The following FBXL13 variants were observed in gnomAD, a reference collection of about 807,000 sequenced individuals.
FBXL13 encodes the protein F-box and leucine rich repeat protein 13.
A neutral mutation model predicts 83.6 loss-of-function variants in FBXL13; 67 were observed. That is an observed-to-expected ratio of 0.80 (90% CI 0.66 to 0.98). The LOEUF (loss-of-function observed/expected upper bound fraction) is 0.98, where lower values mean the gene tolerates loss of function less well. Ranked by LOEUF, FBXL13 falls within the 50% of genes least tolerant of loss-of-function variation. The pLI is 0.00. For synonymous variants in FBXL13, 272 were observed against 299.5 expected, an observed-to-expected ratio of 0.91 and a Z score of 0.95; for missense variants, 822 against 866.5, an observed-to-expected ratio of 0.95 and a Z score of 0.64.
intron 8 of FBXL13, 105 bp downstream of exon 9, chr7:102,963,428 C>T: frequency 2.9e-6 from 4 of 1,373,138 alleles, no homozygotes; most frequent in Non-Finnish European, 3.0e-6. Flanking sequence ...ATCCTTATGA[C>T]CTAAAACTGT....
Position 102,956,194 on chromosome 7 carries a change from T to C in FBXL13, c.724+7339A>G, listed in dbSNP as rs1214440408. On this transcript the variant is annotated intron_variant, in intron 8 of 19. Transcript: ENST00000313221. ...AAAAAGCTTATCCACCACAATCAAG[T>C]TGGCTTCATCCCTGGAATGCAAGGC... 2.6e-5 allele frequency among the ~76,000 whole-genome samples: 4 copies of C among 152,154 alleles called. 1 individual carries two copies. Among genetic ancestry groups the C allele is most frequent in the African/African-American group, 2.4e-5 (1 of 41,442 alleles).
chr7:103,003,207 C>T (rs1790585353), intron 6 of FBXL13, among the ~76,000 whole-genome samples: 1 of 150,614 alleles, frequency 6.6e-6, no homozygotes, highest in Non-Finnish European at 1.5e-5. Context: ...CATTTTTTAG[C>T]TCAGCAAATG....
At chr7:102,958,947 A>G (rs547418210) in intron 8 of FBXL13, among the ~76,000 whole-genome samples, 21 of 152,208 alleles carry the variant, frequency 1.4e-4, no homozygotes, top group African/African-American at 4.8e-4. Flanking sequence ...TTCATGAAAA[A>G]TATGAAAAAG....
chr7:102,935,978 TA>T (rs1329343823), intron 8 of FBXL13, among the ~76,000 whole-genome samples: 2 of 152,092 alleles, frequency 1.3e-5, no homozygotes, highest in Middle Eastern at 3.2e-3. Context: ...GAACCAGAAG[TA>T]AATTTGCTCA....
chr7:102,962,947 C>G (rs1825487596), intron 8 of FBXL13, among the ~76,000 whole-genome samples: 1 of 143,078 alleles, frequency 7.0e-6, no homozygotes, highest in Non-Finnish European at 1.5e-5. Context: ...CTAACCTGCA[C>G]AATGTGCACA....
intron 18 of FBXL13, among the ~76,000 whole-genome samples, chr7:102,832,554 G>A (rs967543695): frequency 6.6e-6 from 1 of 152,118 alleles, no homozygotes; most frequent in Non-Finnish European, 1.5e-5. Flanking sequence ...AATGCTCTAC[G>A]CACTGGCTTT....
intron 17 of FBXL13, among the ~76,000 whole-genome samples, chr7:102,853,159 T>C (rs539696837): frequency 6.6e-6 from 1 of 152,200 alleles, no homozygotes; most frequent in Non-Finnish European, 1.5e-5. Context: ...GCAATGGATT[T>C]TGGGGACTTG....
intron 2 of FBXL13, among the ~76,000 whole-genome samples, chr7:103,053,760 A>C (rs754963947): frequency 2.0e-5 from 3 of 152,196 alleles, no homozygotes; most frequent in Admixed American, 6.5e-5. Flanking sequence ...AGTAATTTGC[A>C]GATATCTGCA....
At chr7:103,052,340 C>T (rs972285944) in intron 2 of FBXL13, among the ~76,000 whole-genome samples, 1 of 152,156 alleles carries the variant, frequency 6.6e-6, no homozygotes, top group Admixed American at 6.5e-5. Flanking sequence ...TCTCCTACCT[C>T]AGCCTCCTAA....
intron 1 of FBXL13, among the ~76,000 whole-genome samples, chr7:103,066,567 G>C (rs1406842151): frequency 6.6e-6 from 1 of 150,862 alleles, no homozygotes; most frequent in Non-Finnish European, 1.5e-5. Context: ...AATTTTTTTT[G>C]TATTTTTAGT....
intron 2 of FBXL13, among the ~76,000 whole-genome samples, chr7:103,051,095 A>G (rs552061835): frequency 6.6e-6 from 1 of 152,334 alleles, no homozygotes; most frequent in African/African-American, 2.4e-5. Flanking sequence ...TTTTCCAGAA[A>G]TTAAGGATCT....
intron 8 of FBXL13, chr7:102,934,466 A>C: frequency 6.2e-7 from 1 of 1,614,216 alleles, no homozygotes; most frequent in Non-Finnish European, 8.5e-7. Context: ...CAGGAACCGG[A>C]ATTTGGGGAA....
At chr7:102,912,306 T>C (rs1198195423) in intron 11 of FBXL13, among the ~76,000 whole-genome samples, 1 of 152,176 alleles carries the variant, frequency 6.6e-6, no homozygotes, top group Non-Finnish European at 1.5e-5. Flanking sequence ...CTATCAATAT[T>C]TCAGCCAGTT....
intron 8 of FBXL13, among the ~76,000 whole-genome samples, chr7:102,960,508 A>G (rs1304063064): frequency 6.6e-6 from 1 of 151,374 alleles, no homozygotes; most frequent in African/African-American, 2.4e-5. Flanking sequence ...TTCTGATACC[A>G]AAGCCAGGCA....
intron 18 of FBXL13, among the ~76,000 whole-genome samples, chr7:102,825,743 A>G (rs937104578): frequency 6.6e-6 from 1 of 152,218 alleles, no homozygotes; most frequent in Non-Finnish European, 1.5e-5. Context: ...TAGGTAATAA[A>G]TGATACCTCA....
chr7:102,959,430 T>G (rs908184675), intron 8 of FBXL13, among the ~76,000 whole-genome samples: 1 of 152,028 alleles, frequency 6.6e-6, no homozygotes, highest in Non-Finnish European at 1.5e-5. Context: ...AAATCTATAG[T>G]AATATATATT....
intron 11 of FBXL13, among the ~76,000 whole-genome samples, chr7:102,906,500 T>C (rs1010525177): frequency 2.0e-5 from 3 of 152,244 alleles, no homozygotes; most frequent in Non-Finnish European, 4.4e-5. Flanking sequence ...TTCTTTCCGA[T>C]TGAAGTACTC....
chr7:102,977,169 C>T (rs939797758), intron 6 of FBXL13, among the ~76,000 whole-genome samples: 5 of 152,068 alleles, frequency 3.3e-5, no homozygotes, highest in African/African-American at 7.3e-5. Context: ...GCCACTTGGG[C>T]GGAGGATGGT....
chr7:102,862,825 T>C (rs2129453320), intron 16 of FBXL13, among the ~76,000 whole-genome samples: 1 of 152,348 alleles, frequency 6.6e-6, no homozygotes, highest in Middle Eastern at 3.4e-3. Flanking sequence ...TCCACCTACT[T>C]CTCTGGATGT....
Sources: allele counts gnomAD v4.1 joint callset (sites outside exome capture counted in the v4.1 genomes callset), GRCh38; gene constraint gnomAD v4.1.1; transcripts MANE v1.5; gene names NCBI Gene and HGNC (gene_info 2026-07-23, HGNC 2026-07-21).